CLINT1: variants seen among roughly 807,000 people sequenced by gnomAD.
CLINT1 encodes the protein clathrin interactor 1, also known as clathrin interacting protein localized in the trans-Golgi region.
Under a neutral mutation model 70.4 loss-of-function variants are expected in CLINT1, and 15 were observed. That is an observed-to-expected ratio of 0.21 (90% CI 0.14 to 0.33). The LOEUF (loss-of-function observed/expected upper bound fraction) is 0.33, where lower values mean the gene tolerates loss of function less well. CLINT1 is among the 10% of genes least tolerant of loss of function. The probability of loss-of-function intolerance (pLI) is 1.00; values close to 1 mark genes in which losing one functional copy is unlikely to be tolerated. For synonymous variants in CLINT1, 227 were observed against 254.7 expected, an observed-to-expected ratio of 0.89 and a Z score of 1.04; for missense variants, 615 against 778.1, an observed-to-expected ratio of 0.79 and a Z score of 2.49.
intron 1 of CLINT1, among the ~76,000 whole-genome samples, chr5:157,823,431 T>C (rs1044647939): frequency 1.3e-5 from 2 of 152,222 alleles, no homozygotes; most frequent in Non-Finnish European, 2.9e-5. Context: ...ATATTATCTG[T>C]ACTTCCAATA....
In CLINT1 at chr5:157,805,844, T is replaced by G. The variant is rs753228377; in HGVS notation, c.942+22A>C. The G allele has an allele frequency of 2.5e-6, 4 of 1,613,814 alleles. No individual in the cohort carries two copies. The South Asian group carries it at 4.4e-5, about 18-fold the overall frequency. On this transcript the variant is annotated intron_variant, in intron 7 of 11. Coordinates refer to ENST00000411809, the MANE Select transcript of CLINT1 (RefSeq NM_014666.4). ...TATAAAAATAAAACCATGTATAATG[T>G]GTAAACTACTGCCATTCCCACCTTA...
chr5:157,839,767 A>C (rs1040960423), intron 1 of CLINT1, among the ~76,000 whole-genome samples: 3 of 121,368 alleles, frequency 2.5e-5, no homozygotes, highest in South Asian at 2.6e-4. Flanking sequence ...ATCTATCTAT[A>C]CATATAATCA....
intron 1 of CLINT1, among the ~76,000 whole-genome samples, chr5:157,834,212 A>G (rs1056576899): frequency 2.6e-5 from 4 of 151,850 alleles, no homozygotes; most frequent in Non-Finnish European, 5.9e-5. Flanking sequence ...AAAATACAAA[A>G]AAAGTTAGCC....
chr5:157,854,859 T>C (rs1226790821), intron 1 of CLINT1, among the ~76,000 whole-genome samples: 2 of 152,180 alleles, frequency 1.3e-5, no homozygotes, highest in East Asian at 1.9e-4. Context: ...AAAGGGCCAC[T>C]GAGGCTGGGC....
Position 157,787,325 on chromosome 5 carries a change from C to T in CLINT1, c.*321G>A, listed in dbSNP as rs1761755342. ...AATTAGAGATTCAAACACATTTATT[C>T]AGCCCTATTCCAGTCTTCCCACAAA... On this transcript the variant is annotated 3_prime_UTR_variant, in exon 12 of 12. Transcript: ENST00000411809. 3.6e-6 allele frequency: 1 copy of T among 276,268 alleles called. No homozygotes were observed. The allele number at this position is 276,268 out of a possible 1,614,324, so 17.1% of individuals were successfully genotyped here.
chr5:157,842,194 T>C (rs1256470183), intron 1 of CLINT1, among the ~76,000 whole-genome samples: 1 of 152,240 alleles, frequency 6.6e-6, no homozygotes, highest in Non-Finnish European at 1.5e-5. Context: ...ACAATCACTA[T>C]TGTGTAAGTT....
intron 9 of CLINT1, among the ~76,000 whole-genome samples, chr5:157,794,341 T>C (rs1269280090): frequency 2.0e-5 from 3 of 151,878 alleles, no homozygotes; most frequent in African/African-American, 7.3e-5. Flanking sequence ...TAAGCCCATA[T>C]TCTGTTTGAA....
At position 157,805,991 on chromosome 5, in the gene CLINT1, T is replaced by C. The variant is rs1683054403; in HGVS notation, c.817A>G (p.Thr273Ala). 2.5e-6 allele frequency: 4 copies of C among 1,613,954 alleles called. No individual in the cohort carries two copies. Among genetic ancestry groups the C allele is most frequent in the Non-Finnish European group, 3.4e-6 (4 of 1,179,898 alleles). Reference sequence around the variant, plus strand: ...GGATTTGCTGTGCGCTTGTGTCTGGTTGTGGTGGTCTCTGTGGCCTGTGTG... The same window carrying C: ...GGATTTGCTGTGCGCTTGTGTCTGGCTGTGGTGGTCTCTGTGGCCTGTGTG... ...HITQATETTT[T>A]RHKRTANPSK... is the part of the protein sequence containing the mutation. Residue 273 changes from threonine to alanine, a missense_variant, in exon 7 of 12, where the codon ACC becomes GCC. By Grantham distance (58) the Thr-to-Ala change is moderately conservative. Coordinates refer to ENST00000411809, the MANE Select transcript of CLINT1 (RefSeq NM_014666.4).
chr5:157,803,818 A>G, intron 7 of CLINT1, 99 bp from the exon 8 acceptor site: 1 of 747,610 alleles, frequency 1.3e-6, no homozygotes, highest in South Asian at 3.4e-5. Flanking sequence ...AAATACCTGT[A>G]ATTAGCTTAA....
rs144724009 is a variant in CLINT1, at chr5:157,827,139, T to C, written c.42-9592A>G. Among the ~76,000 whole-genome samples the C allele has an allele frequency of 1.9e-3, 286 of 152,216 alleles. 2 individuals carry two copies. The highest frequency in any genetic ancestry group is 6.4e-3 in the African/African-American group (267 of 41,540). On this transcript the variant is annotated intron_variant, in intron 1 of 11. Transcript: ENST00000411809. ...AGCTAGCAGAATAAATCTTAAAATT[T>C]TTTTTCCAAAAGCAAGCCACATAAA...
intron 1 of CLINT1, among the ~76,000 whole-genome samples, chr5:157,845,101 CACTTTG>C (rs1184783618): frequency 5.3e-5 from 8 of 152,206 alleles, no homozygotes; most frequent in African/African-American, 1.9e-4. Flanking sequence ...GTAATCCCAG[CACTTTG>C]GGAGGCCAAG....
intron 3 of CLINT1, among the ~76,000 whole-genome samples, chr5:157,815,626 G>A (rs1217143505): frequency 1.3e-5 from 2 of 152,174 alleles, no homozygotes; most frequent in Non-Finnish European, 2.9e-5. Context: ...GTAATTTACA[G>A]CCATGTGTCA....
chr5:157,809,582 T>C, intron 6 of CLINT1, 46 bp downstream of exon 6: 2 of 1,506,508 alleles, frequency 1.3e-6, no homozygotes, highest in Non-Finnish European at 1.8e-6. Flanking sequence ...GTGGCATAAA[T>C]TTAGGGCTCT....
In CLINT1 at chr5:157,787,378, G is replaced by C. The variant is rs763882519; in HGVS notation, c.*268C>G. On this transcript the variant is annotated 3_prime_UTR_variant, in exon 12 of 12. Transcript: ENST00000411809. ...ATGCTGTTAAATGGACTCTTCAGTT[G>C]ATAAAGGCTTTCAATGGTCTCACCA... The C allele has an allele frequency of 9.0e-4, 422 of 466,938 alleles. No individual in the cohort carries two copies. The highest frequency in any genetic ancestry group is 1.4e-3 in the South Asian group (48 of 35,388). 28.9% of individuals were successfully genotyped at this position (466,938 alleles called of 1,614,324 possible).
intron 3 of CLINT1, among the ~76,000 whole-genome samples, 154 bp from the exon 4 acceptor site, chr5:157,814,447 G>A (rs1762651986): frequency 6.6e-6 from 1 of 152,096 alleles, no homozygotes; most frequent in South Asian, 2.1e-4. Context: ...ACATAATCTA[G>A]AACTTACATA....
chr5:157,793,771 A>C (rs1329509641), intron 9 of CLINT1, among the ~76,000 whole-genome samples: 1 of 152,206 alleles, frequency 6.6e-6, no homozygotes, highest in Non-Finnish European at 1.5e-5. Context: ...TGGAATTTAC[A>C]AAAATAAGTA....
chr5:157,853,210 A>G (rs1480328941), intron 1 of CLINT1, among the ~76,000 whole-genome samples: 1 of 151,694 alleles, frequency 6.6e-6, no homozygotes, highest in Non-Finnish European at 1.5e-5. Flanking sequence ...ATGGTGGCAC[A>G]TGCCTGTAAT....
chr5:157,857,364 C>A (rs992183936), intron 1 of CLINT1, among the ~76,000 whole-genome samples: 5 of 152,044 alleles, frequency 3.3e-5, no homozygotes, highest in African/African-American at 1.2e-4. Context: ...TTTATTTCAT[C>A]TTCGGTAAGC....
intron 5 of CLINT1, among the ~76,000 whole-genome samples, chr5:157,810,527 C>T (rs1450941274): frequency 6.6e-6 from 1 of 152,122 alleles, no homozygotes; most frequent in African/African-American, 2.4e-5. Context: ...AACCTAGAGC[C>T]TCTGTGTGAA....
Sources: allele counts gnomAD v4.1 joint callset (sites outside exome capture counted in the v4.1 genomes callset), GRCh38; gene constraint gnomAD v4.1.1; transcripts MANE v1.5; gene names NCBI Gene and HGNC (gene_info 2026-07-23, HGNC 2026-07-21).